GATB: variants seen among roughly 807,000 people sequenced by gnomAD.
GATB encodes the protein glutamyl-tRNA amidotransferase subunit B.
GATB carries 39 observed loss-of-function variants against 62.3 expected under a neutral mutation model. The ratio of observed to expected loss-of-function variants is 0.63; its 90% CI spans 0.48 to 0.82. The LOEUF (loss-of-function observed/expected upper bound fraction) is 0.82. GATB is among the 40% of genes least tolerant of loss of function. GATB has a pLI of 0.00. For missense variants in GATB, 670 were observed against 684.0 expected (o/e 0.98, Z 0.23); for synonymous variants, 276 against 258.9 (o/e 1.07, Z -0.63).
intron 2 of GATB, among the ~76,000 whole-genome samples, chr4:151,728,537 AT>A (rs1244967431): frequency 2.0e-5 from 3 of 152,218 alleles, no homozygotes; most frequent in African/African-American, 4.8e-5. Flanking sequence ...AAAAAAGTAT[AT>A]TAATATTTAA....
Position 151,697,965 on chromosome 4 carries a change from A to ATATATATATATATGTG in GATB, c.1197+3363_1197+3364insCACATATATATATATA, listed in dbSNP as rs1560847739. 7.3e-4 allele frequency among the ~76,000 whole-genome samples: 80 copies of ATATATATATATATGTG among 109,012 alleles called. 1 individual carries two copies. The highest frequency in any genetic ancestry group is 2.5e-3 in the African/African-American group (51 of 20,098). 71.5% of individuals were successfully genotyped at this position (109,012 alleles called of 152,430 possible). On this transcript the variant is annotated intron_variant, in intron 9 of 12. Transcript: ENST00000263985. ...TGTGTGTGTGTGTGTATATATATAT[A>ATATATATATATATGTG]TATATATATATATATATATATATAT...
chr4:151,748,274 C>G (rs1739642888), intron 2 of GATB, among the ~76,000 whole-genome samples: 1 of 152,192 alleles, frequency 6.6e-6, no homozygotes, highest in Non-Finnish European at 1.5e-5. Flanking sequence ...TACTACAAGG[C>G]TACAGTAACC....
intron 12 of GATB, among the ~76,000 whole-genome samples, chr4:151,672,414 G>A (rs555394700): frequency 2.6e-5 from 4 of 152,258 alleles, no homozygotes; most frequent in Admixed American, 1.3e-4. Flanking sequence ...AGGAAGTAGC[G>A]CTAACCACAA....
chr4:151,701,791 C>T (rs1277661684), intron 8 of GATB, among the ~76,000 whole-genome samples: 2 of 152,206 alleles, frequency 1.3e-5, no homozygotes, highest in Non-Finnish European at 2.9e-5. Flanking sequence ...AACTGTGGAT[C>T]ATTCATTCCA....
chr4:151,686,216 C>G (rs760714347), intron 10 of GATB, among the ~76,000 whole-genome samples: 2 of 152,082 alleles, frequency 1.3e-5, no homozygotes, highest in African/African-American at 2.4e-5. Context: ...CCCTCAAAAG[C>G]TCTCTGAGGC....
At chr4:151,707,882 A>G (rs1025897490) in intron 6 of GATB, 106 bp downstream of exon 6, 2 of 737,528 alleles carry the variant, frequency 2.7e-6, no homozygotes, top group Non-Finnish European at 4.7e-6. Flanking sequence ...GACCAGTGAA[A>G]ACGAAAGTAG....
chr4:151,760,683 G>T, intron 1 of GATB, 124 bp downstream of exon 1: 2 of 834,766 alleles, frequency 2.4e-6, no homozygotes, highest in Non-Finnish European at 3.5e-6. Context: ...GGGGCTCCAG[G>T]TTATAACTCA....
chr4:151,697,876 G>A (rs929356519), intron 9 of GATB, among the ~76,000 whole-genome samples: 7 of 146,266 alleles, frequency 4.8e-5, no homozygotes, highest in African/African-American at 1.8e-4. Flanking sequence ...CTCCAGCCTA[G>A]GCCACAAAGC....
In GATB at chr4:151,705,138, C is replaced by T. The variant is rs201211672; in HGVS notation, c.962+47G>A. ...GGTCAGTGGCTGAGCCCAGCCCTCT[C>T]GCACCACCCCCGGCTGTGGTCAGGA... On this transcript the variant is annotated intron_variant, in intron 7 of 12. Transcript: ENST00000263985. 36 of 1,371,622 alleles carry T rather than the reference C, an allele frequency of 2.6e-5. No individual in the cohort carries two copies. In the East Asian group the frequency reaches 4.4e-4, roughly 17 times the overall value. 85.0% of individuals were successfully genotyped at this position (1,371,622 alleles called of 1,614,324 possible). A position where few individuals can be genotyped will look rare whatever the true frequency, so the allele number is the denominator to read the frequency against.
At chr4:151,756,516 A>G (rs971378496) in intron 2 of GATB, among the ~76,000 whole-genome samples, 5 of 152,248 alleles carry the variant, frequency 3.3e-5, no homozygotes. Flanking sequence ...AAGAAGAGGT[A>G]GATCTCCTCT....
At chr4:151,708,892 T>C (rs1738766598) in intron 5 of GATB, among the ~76,000 whole-genome samples, 2 of 152,072 alleles carry the variant, frequency 1.3e-5, no homozygotes, top group Admixed American at 6.5e-5. Context: ...AAAAGGCTCT[T>C]GAGGAAGAGA....
At chr4:151,712,741 T>A (rs550019195) in intron 5 of GATB, among the ~76,000 whole-genome samples, 1 of 152,346 alleles carries the variant, frequency 6.6e-6, no homozygotes, top group African/African-American at 2.4e-5. Flanking sequence ...TTACTGTTAA[T>A]AAGAGCACCG....
intron 5 of GATB, among the ~76,000 whole-genome samples, chr4:151,714,773 C>T (rs1316898486): frequency 6.6e-6 from 1 of 152,106 alleles, no homozygotes; most frequent in East Asian, 1.9e-4. Context: ...CCAACTTGCC[C>T]ACATTTCATT....
intron 12 of GATB, 25 bp downstream of exon 12, chr4:151,672,737 C>T: frequency 1.2e-6 from 2 of 1,611,136 alleles, no homozygotes; most frequent in Non-Finnish European, 1.7e-6. Flanking sequence ...TGGCTCTGGC[C>T]CTCTCCCCTG....
At chr4:151,735,736 G>GATATATATATA (rs1332042898) in intron 2 of GATB, among the ~76,000 whole-genome samples, 2 of 104,064 alleles carry the variant, frequency 1.9e-5, no homozygotes, top group Non-Finnish European at 3.8e-5. Flanking sequence ...AAACTGTGGT[G>GATATATATATA]TATATATATA....
intron 2 of GATB, among the ~76,000 whole-genome samples, chr4:151,734,309 G>C (rs1005215055): frequency 3.4e-4 from 51 of 149,278 alleles, no homozygotes; most frequent in African/African-American, 1.3e-3. Context: ...TGACCAAATG[G>C]AGAACCAAAT....
chr4:151,686,553 G>A (rs1201643028), intron 10 of GATB, among the ~76,000 whole-genome samples: 2 of 151,300 alleles, frequency 1.3e-5, no homozygotes, highest in South Asian at 2.1e-4. Context: ...TGCCCCCAGA[G>A]AACTCTCTTT....
At chr4:151,696,874 C>A (rs1038972843) in intron 9 of GATB, among the ~76,000 whole-genome samples, 2 of 152,210 alleles carry the variant, frequency 1.3e-5, no homozygotes, top group East Asian at 3.8e-4. Context: ...ATAATAACTA[C>A]TACTGATATA....
intron 11 of GATB, among the ~76,000 whole-genome samples, chr4:151,677,117 G>A (rs1379302162): frequency 2.6e-5 from 4 of 152,128 alleles, no homozygotes; most frequent in Non-Finnish European, 5.9e-5. Context: ...GCCTCTTCCA[G>A]TTCTGCCAGA....
Sources: gnomAD v4.1 joint callset for allele counts (sites outside exome capture counted in the v4.1 genomes callset) on GRCh38, gnomAD v4.1.1 for gene constraint, MANE v1.5 for transcripts, NCBI Gene and HGNC (gene_info 2026-07-23, HGNC 2026-07-21) for gene names.